EDIL3: variants seen among roughly 807,000 people sequenced by gnomAD.
EDIL3 encodes EGF like and discoidin domains 3, also known as EGF-like repeat and discoidin I-like domain-containing protein 3.
A neutral mutation model predicts 67.4 loss-of-function variants in EDIL3; 37 were observed. That is an observed-to-expected ratio of 0.55 (90% CI 0.42 to 0.72). The LOEUF (loss-of-function observed/expected upper bound fraction) is 0.72, where lower values mean the gene tolerates loss of function less well. Among genes scored for constraint, EDIL3 ranks in the 30% least tolerant of loss-of-function variants. The pLI is 0.00. For missense variants in EDIL3, 527 were observed against 586.3 expected, an observed-to-expected ratio of 0.90 and a Z score of 1.04; for synonymous variants, 195 against 196.3, an observed-to-expected ratio of 0.99 and a Z score of 0.05.
intron 10 of EDIL3, among the ~76,000 whole-genome samples, chr5:83,962,231 TA>T (rs1199315914): frequency 6.6e-6 from 1 of 151,512 alleles, no homozygotes; most frequent in Admixed American, 6.6e-5. Flanking sequence ...GTAAAAGGAT[TA>T]CATAACATAA....
At chr5:84,144,470 GCA>G (rs1391946594) in intron 4 of EDIL3, among the ~76,000 whole-genome samples, 1 of 152,074 alleles carries the variant, frequency 6.6e-6, no homozygotes, top group African/African-American at 2.4e-5. Context: ...ACAGGAAAAT[GCA>G]CAGACTCTCA....
chr5:84,024,991 C>T (rs368640), intron 9 of EDIL3, among the ~76,000 whole-genome samples: 129,953 of 151,668 alleles, frequency 0.86, 56,324 homozygotes, highest in Non-Finnish European at 0.92. Flanking sequence ...CCTTTTTTTC[C>T]TTTGGAACTC....
chr5:84,029,212 G>A lies in EDIL3; in HGVS notation c.1137+31088C>T, dbSNP rs149427768. On this transcript the variant is annotated intron_variant, in intron 9 of 10. Coordinates refer to ENST00000296591, the MANE Select transcript of EDIL3 (RefSeq NM_005711.5). ...GTGGAGTTTGCAGTGAGCCAATTGCGCCACTGCACTCCAGCCTGGGGGACA... is the reference window on the plus strand; with the variant it reads ...GTGGAGTTTGCAGTGAGCCAATTGCACCACTGCACTCCAGCCTGGGGGACA... 6.8e-3 allele frequency among the ~76,000 whole-genome samples: 1,034 copies of A among 152,156 alleles called. 16 individuals are homozygous for A. Among genetic ancestry groups the A allele is most frequent in the African/African-American group, 0.024 (991 of 41,514 alleles).
At chr5:84,170,747 C>T (rs1372780144) in intron 4 of EDIL3, among the ~76,000 whole-genome samples, 2 of 151,988 alleles carry the variant, frequency 1.3e-5, no homozygotes, top group African/African-American at 2.4e-5. Flanking sequence ...TTTCTGGGAA[C>T]AATCTTTATA....
At chr5:84,223,092 T>C (rs959690946) in intron 3 of EDIL3, among the ~76,000 whole-genome samples, 2 of 151,764 alleles carry the variant, frequency 1.3e-5, no homozygotes, top group South Asian at 4.1e-4. Flanking sequence ...TCTAGGAGTT[T>C]TATGGTTTCA....
chr5:83,976,398 T>C (rs1383509609), intron 9 of EDIL3, among the ~76,000 whole-genome samples: 2 of 151,876 alleles, frequency 1.3e-5, no homozygotes, highest in Non-Finnish European at 2.9e-5. Flanking sequence ...AGGGAAATAA[T>C]AATAACAATT....
rs139780489 is a variant in EDIL3, at chr5:83,942,827, G to T, written c.*592C>A. 1 of 152,424 alleles carries T rather than the reference G, an allele frequency of 6.6e-6. No individual in the cohort carries two copies. Among genetic ancestry groups the T allele is most frequent in the African/African-American group, 2.4e-5 (1 of 41,420 alleles). The allele number at this position is 152,424 out of a possible 1,614,324, so 9.4% of individuals were successfully genotyped here. ...ATGTAGAATAGAACTAAAAGAAAAAGAAGTCACATAATCTCTTATTAGAAA... is the reference window on the plus strand; with the variant it reads ...ATGTAGAATAGAACTAAAAGAAAAATAAGTCACATAATCTCTTATTAGAAA... On this transcript the variant is annotated 3_prime_UTR_variant, in exon 11 of 11. Transcript: ENST00000296591.
At chr5:84,066,702 TTAA>T (rs1175755184) in intron 6 of EDIL3, 96 bp from the exon 7 acceptor site, 31 of 1,428,642 alleles carry the variant, frequency 2.2e-5, no homozygotes, top group Middle Eastern at 1.8e-4. Flanking sequence ...TTAATGCAGA[TTAA>T]TAATAACATA....
chr5:84,352,687 G>A (rs1299585045), intron 1 of EDIL3, among the ~76,000 whole-genome samples: 1 of 152,028 alleles, frequency 6.6e-6, no homozygotes, highest in Non-Finnish European at 1.5e-5. Context: ...TCTATTGGGA[G>A]CAATGTACAT....
chr5:84,375,379 A>G (rs1034607651), intron 1 of EDIL3, among the ~76,000 whole-genome samples: 4 of 152,198 alleles, frequency 2.6e-5, no homozygotes, highest in Non-Finnish European at 5.9e-5. Context: ...AAAAAAATAA[A>G]CCATATTTTG....
intron 3 of EDIL3, among the ~76,000 whole-genome samples, chr5:84,194,946 C>A (rs911180324): frequency 2.6e-5 from 4 of 151,938 alleles, no homozygotes; most frequent in Non-Finnish European, 5.9e-5. Flanking sequence ...ATATCACTGT[C>A]TTTGGACACT....
intron 6 of EDIL3, chr5:84,078,948 T>C (rs190333317): frequency 2.0e-5 from 3 of 152,194 alleles, no homozygotes; most frequent in African/African-American, 2.4e-5. Context: ...AATCAGGTGA[T>C]TGGAGGGTTG....
chr5:84,310,476 C>A (rs567316523), intron 1 of EDIL3, among the ~76,000 whole-genome samples: 2 of 152,112 alleles, frequency 1.3e-5, no homozygotes, highest in South Asian at 4.1e-4. Context: ...AAATAATTCA[C>A]AGAAAAAAAT....
At chr5:84,209,299 A>T (rs549019132) in intron 3 of EDIL3, among the ~76,000 whole-genome samples, 4 of 152,034 alleles carry the variant, frequency 2.6e-5, no homozygotes, top group Non-Finnish European at 4.4e-5. Flanking sequence ...TGGGTGCAGC[A>T]CACCAGCATG....
chr5:84,293,471 G>A (rs869656), intron 1 of EDIL3, among the ~76,000 whole-genome samples: 67,717 of 150,866 alleles, frequency 0.45, 15,457 homozygotes, highest in South Asian at 0.5. Context: ...CTTAACCTGC[G>A]AGTAGCTCTG....
intron 1 of EDIL3, among the ~76,000 whole-genome samples, chr5:84,367,981 G>T (rs530726694): frequency 1.3e-5 from 2 of 152,238 alleles, no homozygotes; most frequent in South Asian, 2.1e-4. Flanking sequence ...AAGGTGAATG[G>T]ATTCCCAGAA....
At position 84,090,409 on chromosome 5, in the gene EDIL3, CT is replaced by C. The variant is rs1270505921; in HGVS notation, c.651+16239del. Reference sequence around the variant, plus strand: ...GACACATCTTAGGTGAAGTATGTCTCTTTTGCTAGACTATGAGTTCCATCAC... The same window carrying C: ...GACACATCTTAGGTGAAGTATGTCTCTTTGCTAGACTATGAGTTCCATCAC... On this transcript the variant is annotated intron_variant, in intron 6 of 10. Coordinates refer to ENST00000296591, the MANE Select transcript of EDIL3 (RefSeq NM_005711.5). 2.6e-5 allele frequency among the ~76,000 whole-genome samples: 4 copies of C among 152,164 alleles called. No homozygotes were observed. The East Asian group carries it at 5.8e-4, about 22-fold the overall frequency.
At chr5:84,220,475 G>A (rs1020374640) in intron 3 of EDIL3, among the ~76,000 whole-genome samples, 4 of 152,012 alleles carry the variant, frequency 2.6e-5, no homozygotes, top group Non-Finnish European at 5.9e-5. Context: ...CATTTTCAGG[G>A]TCTCATAGAA....
Position 84,064,788 on chromosome 5 carries a change from G to A in EDIL3, c.864C>T (p.Pro288=). The stretch of plus-strand genomic sequence containing the variant: ...AGAGTCTTACATACTGAGCTTTTAT[G>A]GGGGGTGTGAAAGAGTTAGCATATG... ...NTPYANSFTP[P]IKAQYVRLYP... Residue 288 remains proline (P), a synonymous_variant, in exon 8 of 11, where the codon CCC becomes CCT. Coordinates refer to ENST00000296591, the MANE Select transcript of EDIL3 (RefSeq NM_005711.5). 1 of 1,613,574 alleles carries A rather than the reference G, an allele frequency of 6.2e-7. No homozygotes were observed. The highest frequency in any genetic ancestry group is 8.5e-7 in the Non-Finnish European group (1 of 1,179,696).
Sources: gnomAD v4.1 joint callset for allele counts (sites outside exome capture counted in the v4.1 genomes callset) on GRCh38, gnomAD v4.1.1 for gene constraint, MANE v1.5 for transcripts, NCBI Gene and HGNC (gene_info 2026-07-23, HGNC 2026-07-21) for gene names.